Variants in CSMD3 observed in about 807,000 individuals in gnomAD.
CSMD3 encodes CUB and sushi domain-containing protein 3.
In CSMD3, 177 loss-of-function variants were observed where a neutral mutation model predicts 435.2. The ratio of observed to expected loss-of-function variants is 0.41; its 90% CI spans 0.36 to 0.46. The LOEUF (loss-of-function observed/expected upper bound fraction) is 0.46. Ranked by LOEUF, CSMD3 falls within the 20% of genes least tolerant of loss-of-function variation. The probability of loss-of-function intolerance (pLI) is 0.34; values close to 1 mark genes in which losing one functional copy is unlikely to be tolerated. For missense variants in CSMD3, 4,265 were observed against 4,504.6 expected (o/e 0.95, Z 1.52); for synonymous variants, 1,656 against 1,520.5 (o/e 1.09, Z -2.07).
At chr8:113,349,667 T>C (rs567534914) in intron 1 of CSMD3, among the ~76,000 whole-genome samples, 1 of 152,210 alleles carries the variant, frequency 6.6e-6, no homozygotes, top group Non-Finnish European at 1.5e-5. Context: ...TTAAATTGTC[T>C]TTCTGAGGAA....
intron 27 of CSMD3, among the ~76,000 whole-genome samples, chr8:112,545,499 AAAAATAAT>A (rs1239675937): frequency 8.5e-5 from 12 of 141,126 alleles, no homozygotes; most frequent in South Asian, 4.4e-4. Flanking sequence ...AAAAAAAAAA[AAAAATAAT>A]AATAATAATA....
rs1586191477 is a variant in CSMD3, at chr8:113,431,664, T to C, written c.178+5013A>G. On this transcript the variant is annotated intron_variant, in intron 1 of 70. Transcript: ENST00000297405. ...GGAGGCTAAGGAAGTAAACTTTAGT[T>C]CCCTCCACTTTTTTGCATTTGAGAT... 2.0e-5 allele frequency among the ~76,000 whole-genome samples: 3 copies of C among 152,060 alleles called. No individual in the cohort carries two copies. In the South Asian group the frequency reaches 6.2e-4, roughly 32 times the overall value.
intron 1 of CSMD3, among the ~76,000 whole-genome samples, chr8:113,379,994 T>A (rs2094408190): frequency 6.6e-6 from 1 of 152,174 alleles, no homozygotes; most frequent in Admixed American, 6.5e-5. Context: ...TTTGATCTTG[T>A]CCAGTAGATG....
intron 10 of CSMD3, among the ~76,000 whole-genome samples, chr8:112,878,913 C>T (rs1008588634): frequency 6.6e-6 from 1 of 152,126 alleles, no homozygotes; most frequent in African/African-American, 2.4e-5. Context: ...ATCTCTTAAT[C>T]CCGTTATCTT....
At chr8:112,891,178 G>A (rs1460337480) in intron 10 of CSMD3, among the ~76,000 whole-genome samples, 1 of 151,566 alleles carries the variant, frequency 6.6e-6, no homozygotes, top group Non-Finnish European at 1.5e-5. Context: ...ACTACTCGAT[G>A]TGTGATCTGC....
intron 10 of CSMD3, among the ~76,000 whole-genome samples, chr8:112,888,201 TG>T (rs953828909): frequency 4.0e-5 from 6 of 151,714 alleles, no homozygotes; most frequent in Admixed American, 6.6e-5. Context: ...CAGAAACAAG[TG>T]GAAATGAAAC....
rs183924993 is a variant in CSMD3 at position 112,483,296 on chromosome 8, G to T, written c.5278+9193C>A. ...ACTTGAGGTCAGGAGTTCGAGACCA[G>T]ACTGGCCAACATGGCAGAATTCCAT... is the stretch of plus-strand genomic sequence containing the variant. On this transcript the variant is annotated intron_variant, in intron 31 of 70. Transcript: ENST00000297405. Among the ~76,000 whole-genome samples the T allele has an allele frequency of 3.3e-5, 5 of 152,160 alleles. No homozygotes were observed. The East Asian group carries it at 7.8e-4, about 24-fold the overall frequency.
At chr8:112,989,255 T>C (rs918640397) in intron 6 of CSMD3, among the ~76,000 whole-genome samples, 1 of 152,048 alleles carries the variant, frequency 6.6e-6, no homozygotes, top group Non-Finnish European at 1.5e-5. Flanking sequence ...TATGGCACTT[T>C]TACTCAGACT....
At chr8:112,848,659 T>C (rs1234279306) in intron 11 of CSMD3, among the ~76,000 whole-genome samples, 1 of 152,110 alleles carries the variant, frequency 6.6e-6, no homozygotes, top group African/African-American at 2.4e-5. Context: ...ATTTATTAAC[T>C]TGTGTGATAC....
At chr8:113,235,781 G>A (rs1588335265) in intron 3 of CSMD3, among the ~76,000 whole-genome samples, 1 of 152,106 alleles carries the variant, frequency 6.6e-6, no homozygotes, top group African/African-American at 2.4e-5. Flanking sequence ...AAACTGGCTT[G>A]TCCCCTTGTG....
chr8:113,262,698 C>G (rs913776111), intron 3 of CSMD3, among the ~76,000 whole-genome samples: 1 of 151,934 alleles, frequency 6.6e-6, no homozygotes, highest in Admixed American at 6.6e-5. Context: ...GCCTCTAAAA[C>G]GTAAGAAAAT....
intron 22 of CSMD3, among the ~76,000 whole-genome samples, chr8:112,632,869 T>A (rs1331733908): frequency 6.6e-6 from 1 of 151,946 alleles, no homozygotes; most frequent in Non-Finnish European, 1.5e-5. Flanking sequence ...GGGTATTTGG[T>A]TGCCACTTAA....
chr8:112,651,696 C>T (rs1021896082), intron 18 of CSMD3, among the ~76,000 whole-genome samples: 5 of 152,022 alleles, frequency 3.3e-5, no homozygotes, highest in African/African-American at 1.2e-4. Flanking sequence ...TGCCACCATT[C>T]CCGGCTAATT....
At chr8:112,241,682 A>T (rs2130062057) in intron 66 of CSMD3, 38 bp downstream of exon 66, 1 of 1,430,998 alleles carries the variant, frequency 7.0e-7, no homozygotes, top group Non-Finnish European at 9.9e-7. Flanking sequence ...CCATTTTTAG[A>T]AATAATGAAC....
intron 3 of CSMD3, among the ~76,000 whole-genome samples, chr8:113,188,312 AACTCAGATAT>A (rs1219099123): frequency 6.6e-6 from 1 of 152,018 alleles, no homozygotes; most frequent in Non-Finnish European, 1.5e-5. Flanking sequence ...GTCACTCTTC[AACTCAGATAT>A]ACTAAGCTCC....
chr8:112,891,307 T>C (rs1487735265), intron 10 of CSMD3, among the ~76,000 whole-genome samples: 1 of 151,630 alleles, frequency 6.6e-6, no homozygotes, highest in Non-Finnish European at 1.5e-5. Flanking sequence ...CATTCAATCT[T>C]GAGCAGCACT....
At chr8:112,824,082 TC>T (rs1474521635) in intron 12 of CSMD3, among the ~76,000 whole-genome samples, 2 of 152,154 alleles carry the variant, frequency 1.3e-5, no homozygotes, top group African/African-American at 4.8e-5. Context: ...GTAATACCCT[TC>T]TTTGTCTTTT....
chr8:112,319,449 G>T (rs2130864007), intron 46 of CSMD3, among the ~76,000 whole-genome samples: 1 of 152,120 alleles, frequency 6.6e-6, no homozygotes, highest in East Asian at 1.9e-4. Flanking sequence ...TTCCAACTCA[G>T]TTTTAAAGCA....
At chr8:112,746,056 TA>T (rs1241061500) in intron 13 of CSMD3, among the ~76,000 whole-genome samples, 1 of 152,182 alleles carries the variant, frequency 6.6e-6, no homozygotes, top group African/African-American at 2.4e-5. Flanking sequence ...GGGAAACTCA[TA>T]AAGCTTAAAA....
Sources: allele counts gnomAD v4.1 joint callset (sites outside exome capture counted in the v4.1 genomes callset), GRCh38; gene constraint gnomAD v4.1.1; transcripts MANE v1.5; gene names NCBI Gene and HGNC (gene_info 2026-07-23, HGNC 2026-07-21).